The following ASH1L variants were observed in gnomAD, a reference collection of about 807,000 sequenced individuals.
ASH1L encodes the protein histone-lysine N-methyltransferase ASH1L.
Under a neutral mutation model 269.0 loss-of-function variants are expected in ASH1L, and 23 were observed. That is an observed-to-expected ratio of 0.09 (90% CI 0.06 to 0.12). The LOEUF is 0.12. Among genes scored for constraint, ASH1L ranks in the 10% least tolerant of loss-of-function variants. The probability of loss-of-function intolerance (pLI) is 1.00; values close to 1 mark genes in which losing one functional copy is unlikely to be tolerated. For missense variants in ASH1L, 2,912 were observed against 3,567.8 expected, an observed-to-expected ratio of 0.82 and a Z score of 4.68; for synonymous variants, 1,187 against 1,253.5, an observed-to-expected ratio of 0.95 and a Z score of 1.12.
intron 13 of ASH1L, among the ~76,000 whole-genome samples, chr1:155,358,415 G>A (rs557595315): frequency 1.1e-4 from 16 of 152,232 alleles, no homozygotes; most frequent in African/African-American, 3.9e-4. Flanking sequence ...GGCCAGGCAT[G>A]GTGGCTCATG....
intron 6 of ASH1L, among the ~76,000 whole-genome samples, chr1:155,405,504 A>T (rs140725563): frequency 1.4e-3 from 219 of 152,130 alleles, no homozygotes; most frequent in Non-Finnish European, 2.5e-3. Context: ...AAACAAAACA[A>T]CAACAACAAA....
chr1:155,359,444 T>C (rs1326349724), intron 13 of ASH1L, among the ~76,000 whole-genome samples: 1 of 151,888 alleles, frequency 6.6e-6, no homozygotes, highest in Non-Finnish European at 1.5e-5. Flanking sequence ...GCCCAGCTGA[T>C]TTTTGTATTT....
chr1:155,340,678 A>G (rs1355025947), intron 25 of ASH1L, among the ~76,000 whole-genome samples: 1 of 152,158 alleles, frequency 6.6e-6, no homozygotes, highest in Non-Finnish European at 1.5e-5. Context: ...GAAAGAAAAA[A>G]TACCAGGAAA....
At chr1:155,537,657 G>T (rs569462450) in intron 1 of ASH1L, among the ~76,000 whole-genome samples, 3 of 151,632 alleles carry the variant, frequency 2.0e-5, no homozygotes, top group Admixed American at 2.0e-4. Flanking sequence ...ATTCGAAAAC[G>T]AACTATAAAA....
rs1397667523 is a variant in ASH1L at position 155,478,397 on chromosome 1, T to C, written c.4473A>G (p.Glu1491=). Residue 1491 remains glutamate, a synonymous_variant, in exon 3 of 28, where the codon GAA becomes GAG. Coordinates refer to ENST00000392403, the MANE Select transcript of ASH1L (RefSeq NM_018489.3). The surrounding 1 kb of genome is among the most constrained non-coding windows in gnomAD (Gnocchi z 4.6). ...CCTGGGGTTGTTCAGAAGAACGGTG[T>C]TCTCTGTGTTTGTGACGGTGCCTGT... ...HKHRHRHKHR[E]HRSSEQPQVS... is the part of the protein sequence containing the mutation. 6.2e-7 allele frequency: 1 copy of C among 1,614,096 alleles called. No homozygotes were observed. The highest frequency in any genetic ancestry group is 8.5e-7 in the Non-Finnish European group (1 of 1,180,030).
chr1:155,362,063 G>A (rs2148389061), intron 12 of ASH1L, among the ~76,000 whole-genome samples: 1 of 151,922 alleles, frequency 6.6e-6, no homozygotes. Flanking sequence ...TTGAGACATA[G>A]TCTTGCTCTG....
chr1:155,420,838 A>G (rs1232547278), intron 5 of ASH1L, among the ~76,000 whole-genome samples: 3 of 96,080 alleles, frequency 3.1e-5, no homozygotes, highest in Non-Finnish European at 7.0e-5. Flanking sequence ...TGACAGAGCA[A>G]GGCTCCATTA....
intron 1 of ASH1L, among the ~76,000 whole-genome samples, chr1:155,548,403 C>T (rs1458506672): frequency 2.6e-5 from 4 of 151,986 alleles, no homozygotes; most frequent in African/African-American, 4.8e-5. Flanking sequence ...CATGCCTGTA[C>T]TCCCAGCTAC....
chr1:155,490,332 T>A (rs1304709725), intron 2 of ASH1L, among the ~76,000 whole-genome samples: 4 of 151,382 alleles, frequency 2.6e-5, no homozygotes, highest in Non-Finnish European at 5.9e-5. Flanking sequence ...ACATCCAGGG[T>A]TGGGCGTGGT....
In ASH1L at chr1:155,553,760, T is replaced by C. The variant is rs373062981; in HGVS notation, c.-100+8393A>G. 1.4e-4 allele frequency among the ~76,000 whole-genome samples: 21 copies of C among 152,248 alleles called. No homozygotes were observed. The East Asian group carries it at 2.5e-3, about 18-fold the overall frequency. On this transcript the variant is annotated intron_variant, in intron 1 of 27. Coordinates refer to ENST00000392403, the MANE Select transcript of ASH1L (RefSeq NM_018489.3). Reference sequence around the variant, plus strand: ...TAACATAGGCAAATGTATTACATAATATTACTGTAATATGTTTGTTAACAT... The same window carrying C: ...TAACATAGGCAAATGTATTACATAACATTACTGTAATATGTTTGTTAACAT...
At position 155,373,142 on chromosome 1, in the gene ASH1L, G is replaced by A. The variant is rs540850453; in HGVS notation, c.6333-2159C>T. Among the ~76,000 whole-genome samples, 7 of 151,796 alleles carry A rather than the reference G, an allele frequency of 4.6e-5. No individual in the cohort carries two copies. In the East Asian group the frequency reaches 7.7e-4, roughly 17 times the overall value. ...ACAGGAGAATTGCTTGAACTTGTCCGGCGGACGTTGCCGTGAGCTGAGATT... is the reference window on the plus strand; with the variant it reads ...ACAGGAGAATTGCTTGAACTTGTCCAGCGGACGTTGCCGTGAGCTGAGATT... On this transcript the variant is annotated intron_variant, in intron 10 of 27. Coordinates refer to ENST00000392403, the MANE Select transcript of ASH1L (RefSeq NM_018489.3).
At chr1:155,369,765 T>C (rs1417131670) in intron 12 of ASH1L, among the ~76,000 whole-genome samples, 1 of 152,056 alleles carries the variant, frequency 6.6e-6, no homozygotes, top group East Asian at 1.9e-4. Flanking sequence ...TCAATAAATA[T>C]TAGGTATTAT....
rs1470613835 is a variant in ASH1L, at chr1:155,349,988, C to T, written c.7367-392G>A. Among the ~76,000 whole-genome samples, 3 of 150,558 alleles carry T rather than the reference C, an allele frequency of 2.0e-5. No homozygotes were observed. The East Asian group carries it at 5.9e-4, about 29-fold the overall frequency. On this transcript the variant is annotated intron_variant, in intron 17 of 27. Coordinates refer to ENST00000392403, the MANE Select transcript of ASH1L (RefSeq NM_018489.3). ...CACTGCAAGCTCCACCTCCCGGGTT[C>T]ATGCCATTCTCCTGCCTCAGCCTCC...
rs1177219735 is a variant in ASH1L, at chr1:155,562,624, G to A, written c.-571C>T. On this transcript the variant is annotated 5_prime_UTR_variant, in exon 1 of 28. Transcript: ENST00000392403. ...CGCCCGCACGCGTACGAGTGTCTAC[G>A]GGCTCGTCGCTGGCTGCTCCCACCA... The A allele has an allele frequency of 1.3e-6, 2 of 1,526,866 alleles. No homozygotes were observed. The highest frequency in any genetic ancestry group is 1.4e-5 in the African/African-American group (1 of 72,746). 94.6% of individuals were successfully genotyped at this position (1,526,866 alleles called of 1,614,324 possible). A position where few individuals can be genotyped will look rare whatever the true frequency, so the allele number is the denominator to read the frequency against.
At chr1:155,378,653 C>A in intron 8 of ASH1L, 105 bp from the exon 9 acceptor site, 1 of 874,670 alleles carries the variant, frequency 1.1e-6, no homozygotes, top group Non-Finnish European at 1.8e-6. Flanking sequence ...CTCTGCTCAT[C>A]TGGAAATATT....
intron 17 of ASH1L, among the ~76,000 whole-genome samples, chr1:155,350,807 G>A (rs1653832758): frequency 6.6e-6 from 1 of 151,988 alleles, no homozygotes; most frequent in Non-Finnish European, 1.5e-5. Flanking sequence ...TGTAGTCCCA[G>A]CTACTCGGCA....
At chr1:155,488,612 T>C (rs921785886) in intron 2 of ASH1L, among the ~76,000 whole-genome samples, 1 of 120,330 alleles carries the variant, frequency 8.3e-6, no homozygotes, top group African/African-American at 3.3e-5. Flanking sequence ...GAGGATGCAG[T>C]GAGCCGAGAT....
At chr1:155,433,668 C>A (rs1454805876) in intron 5 of ASH1L, 2 of 1,602,038 alleles carry the variant, frequency 1.2e-6, no homozygotes, top group Non-Finnish European at 1.7e-6. Context: ...CTGGGATATA[C>A]ACAGGCCGAT....
At chr1:155,464,963 T>C (rs116635574) in intron 3 of ASH1L, among the ~76,000 whole-genome samples, 1,614 of 152,188 alleles carry the variant, frequency 0.011, 38 homozygotes, top group African/African-American at 0.038. Context: ...TGAAAATCTT[T>C]ATAATAAACA....
Sources: allele counts gnomAD v4.1 joint callset (sites outside exome capture counted in the v4.1 genomes callset), GRCh38; gene constraint gnomAD v4.1.1; non-coding constraint Gnocchi (gnomAD v3.1); transcripts MANE v1.5; gene names NCBI Gene and HGNC (gene_info 2026-07-23, HGNC 2026-07-21).